The following NXPE2 variants were observed in gnomAD, a reference collection of about 807,000 sequenced individuals.
NXPE2 encodes the protein neurexophilin and PC-esterase domain family member 2, also known as NXPE family member 2.
Under a neutral mutation model 34.4 loss-of-function variants are expected in NXPE2, and 34 were observed. That is an observed-to-expected ratio of 0.99 (90% confidence interval 0.75 to 1.31). The LOEUF (loss-of-function observed/expected upper bound fraction) is 1.31. Among genes scored for constraint, NXPE2 ranks in the 40% most tolerant of loss-of-function variants. The pLI is 0.00. For synonymous variants in NXPE2, 235 were observed against 231.3 expected (o/e 1.02, Z -0.15); for missense variants, 649 against 672.5 (o/e 0.97, Z 0.39).
chr11:114,643,744 CT>C, the NXPE2 span, among the ~76,000 whole-genome samples: 4 of 151,546 alleles, frequency 2.6e-5, no homozygotes, highest in Admixed American at 2.6e-4. Flanking sequence ...TATATGGGCT[CT>C]TTTTTGGTAC....
chr11:114,473,163 A>G, the NXPE2 span, among the ~76,000 whole-genome samples: 13 of 152,360 alleles, frequency 8.5e-5, no homozygotes, highest in African/African-American at 3.1e-4. Context: ...TCCCCAAGTC[A>G]GTCTTGGGAT....
the NXPE2 span, among the ~76,000 whole-genome samples, chr11:114,608,914 C>G: frequency 7.2e-6 from 1 of 138,290 alleles, no homozygotes; most frequent in African/African-American, 2.8e-5. Context: ...CACTGTTACC[C>G]AATGGATAAG....
At chr11:114,466,688 G>A in the NXPE2 span, among the ~76,000 whole-genome samples, 1 of 152,172 alleles carries the variant, frequency 6.6e-6, no homozygotes, top group East Asian at 1.9e-4. Flanking sequence ...TATATTTAGG[G>A]TGGTATCATT....
chr11:114,787,511 C>T, the NXPE2 span, among the ~76,000 whole-genome samples: 19 of 152,212 alleles, frequency 1.2e-4, 1 homozygote, highest in African/African-American at 4.1e-4. Flanking sequence ...AAAATATTAC[C>T]GTCTAAGACG....
At chr11:114,747,205 GT>G in the NXPE2 span, among the ~76,000 whole-genome samples, 1 of 152,130 alleles carries the variant, frequency 6.6e-6, no homozygotes, top group African/African-American at 2.4e-5. Flanking sequence ...TTAAAAAGGG[GT>G]TTTTAAATCT....
At chr11:114,638,503 G>A in the NXPE2 span, among the ~76,000 whole-genome samples, 1 of 151,968 alleles carries the variant, frequency 6.6e-6, no homozygotes, top group Non-Finnish European at 1.5e-5. Context: ...TTCCATTGCT[G>A]GTGAGGAACT....
At chr11:114,500,182 TGACA>T in the NXPE2 span, among the ~76,000 whole-genome samples, 1 of 152,102 alleles carries the variant, frequency 6.6e-6, no homozygotes, top group African/African-American at 2.4e-5. Context: ...TATCAGAAAC[TGACA>T]AACTGTTTTC....
At chr11:114,702,635 A>G (rs968764782) in intron 3 of NXPE2, among the ~76,000 whole-genome samples, 3 of 152,146 alleles carry the variant, frequency 2.0e-5, no homozygotes, top group Admixed American at 1.3e-4. Context: ...CATTTTGAAG[A>G]TGAGAAAATT....
the NXPE2 span, among the ~76,000 whole-genome samples, chr11:114,715,499 G>A: frequency 6.6e-6 from 1 of 152,062 alleles, no homozygotes; most frequent in African/African-American, 2.4e-5. Flanking sequence ...ATTTTATGGT[G>A]AAGATATAAA....
intron 1 of NXPE2, among the ~76,000 whole-genome samples, chr11:114,679,066 A>G (rs1368454266): frequency 6.6e-6 from 1 of 152,050 alleles, no homozygotes; most frequent in African/African-American, 2.4e-5. Context: ...TAACCACTCA[A>G]CACTGAGTTT....
At chr11:114,572,890 C>A in the NXPE2 span, among the ~76,000 whole-genome samples, 3 of 152,136 alleles carry the variant, frequency 2.0e-5, no homozygotes, top group African/African-American at 7.2e-5. Context: ...ACAGAAAGAT[C>A]ATTGCCTAGG....
At chr11:114,722,275 G>T in the NXPE2 span, among the ~76,000 whole-genome samples, 1 of 152,118 alleles carries the variant, frequency 6.6e-6, no homozygotes, top group Non-Finnish European at 1.5e-5. Context: ...AGATCTAATG[G>T]TTTTATAAGC....
the NXPE2 span, among the ~76,000 whole-genome samples, chr11:114,475,425 G>T: frequency 6.6e-5 from 10 of 151,726 alleles, no homozygotes; most frequent in African/African-American, 2.4e-4. Context: ...TGTATTTTTA[G>T]TAGAGATGGG....
the NXPE2 span, among the ~76,000 whole-genome samples, chr11:114,725,976 A>AATATATATATATAT: frequency 9.1e-4 from 93 of 101,746 alleles, 1 homozygote; most frequent in African/African-American, 3.0e-3. Flanking sequence ...ATAAAAAAAA[A>AATATATATATATAT]ATATATATAT....
the NXPE2 span, among the ~76,000 whole-genome samples, chr11:114,533,834 G>A: frequency 6.6e-6 from 1 of 152,256 alleles, no homozygotes; most frequent in African/African-American, 2.4e-5. Context: ...AGGCATGCCT[G>A]CCTCTTTAGG....
At chr11:114,793,297 A>G in the NXPE2 span, among the ~76,000 whole-genome samples, 1 of 152,150 alleles carries the variant, frequency 6.6e-6, no homozygotes, top group Non-Finnish European at 1.5e-5. Flanking sequence ...AATGCAAATT[A>G]TATTTTCTAC....
chr11:114,754,490 T>A, the NXPE2 span, among the ~76,000 whole-genome samples: 287 of 152,330 alleles, frequency 1.9e-3, 2 homozygotes, highest in African/African-American at 5.6e-3. Flanking sequence ...TCAGGGGCAC[T>A]TTCTACAAAT....
the NXPE2 span, among the ~76,000 whole-genome samples, chr11:114,586,711 C>T: frequency 6.6e-6 from 1 of 152,164 alleles, no homozygotes; most frequent in African/African-American, 2.4e-5. Flanking sequence ...TGGACTAATT[C>T]CAGCCTCCAA....
the NXPE2 span, among the ~76,000 whole-genome samples, chr11:114,601,738 T>G: frequency 1.4e-5 from 1 of 72,018 alleles, no homozygotes; most frequent in African/African-American, 5.8e-5. Flanking sequence ...ATATTATATA[T>G]AATTATAATA....
Sources: allele counts gnomAD v4.1 joint callset (sites outside exome capture counted in the v4.1 genomes callset), GRCh38; gene constraint gnomAD v4.1.1; transcripts MANE v1.5; gene names NCBI Gene and HGNC (gene_info 2026-07-23, HGNC 2026-07-21).